ZNF385D: variants seen among roughly 807,000 people sequenced by gnomAD.
ZNF385D encodes the protein zinc finger protein 385D, also known as zinc finger protein 659.
A neutral mutation model predicts 35.8 loss-of-function variants in ZNF385D; 15 were observed. The ratio of observed to expected loss-of-function variants is 0.42; its 90% CI spans 0.28 to 0.64. ZNF385D has a LOEUF of 0.64. Ranked by LOEUF, ZNF385D falls within the 30% of genes least tolerant of loss-of-function variation. ZNF385D has a pLI of 0.23. For synonymous variants in ZNF385D, 212 were observed against 186.8 expected, an observed-to-expected ratio of 1.13 and a Z score of -1.10; for missense variants, 474 against 494.6, an observed-to-expected ratio of 0.96 and a Z score of 0.39.
intron 2 of ZNF385D, among the ~76,000 whole-genome samples, chr3:21,576,311 A>G (rs1324608302): frequency 6.6e-6 from 1 of 152,190 alleles, no homozygotes; most frequent in Non-Finnish European, 1.5e-5. Flanking sequence ...GATGACTTCC[A>G]AGTACTCAGG....
intron 2 of ZNF385D, among the ~76,000 whole-genome samples, chr3:22,361,122 T>G (rs892523325): frequency 2.0e-5 from 3 of 152,064 alleles, no homozygotes; most frequent in African/African-American, 4.8e-5. Context: ...TTGCCAGGTT[T>G]TGAATTATCA....
At chr3:22,324,793 C>T (rs1381443898) in intron 2 of ZNF385D, among the ~76,000 whole-genome samples, 1 of 152,142 alleles carries the variant, frequency 6.6e-6, no homozygotes. Context: ...TCCCCTTTGA[C>T]CCTCTACCAC....
rs369930925 is a variant in ZNF385D, at chr3:21,652,963, G to GT, written c.165+11922dup. 3.5e-3 allele frequency among the ~76,000 whole-genome samples: 534 copies of GT among 151,948 alleles called. 4 individuals carry two copies. Among genetic ancestry groups the GT allele is most frequent in the African/African-American group, 0.012 (500 of 41,450 alleles). ...ATTACAGAAATCTGGAAGTTTCCTTGTTTTTTCCTTACCTCTTCCAGTGTC... is the reference window on the plus strand; with the variant it reads ...ATTACAGAAATCTGGAAGTTTCCTTGTTTTTTTCCTTACCTCTTCCAGTGTC... On this transcript the variant is annotated intron_variant, in intron 2 of 7. Coordinates refer to ENST00000281523, the MANE Select transcript of ZNF385D (RefSeq NM_024697.3).
chr3:21,511,951 A>G (rs1238567383), intron 3 of ZNF385D, among the ~76,000 whole-genome samples: 2 of 151,596 alleles, frequency 1.3e-5, no homozygotes, highest in African/African-American at 4.8e-5. Flanking sequence ...GATCAAGACT[A>G]TCCTGGCCAA....
intron 2 of ZNF385D, among the ~76,000 whole-genome samples, chr3:22,172,403 G>A (rs769476817): frequency 1.6e-4 from 24 of 152,076 alleles, no homozygotes; most frequent in Admixed American, 1.5e-3. Flanking sequence ...AAAAATGTAT[G>A]TGAGTTAATT....
intron 2 of ZNF385D, among the ~76,000 whole-genome samples, chr3:22,345,692 C>T (rs1397207289): frequency 6.6e-6 from 1 of 152,162 alleles, no homozygotes; most frequent in African/African-American, 2.4e-5. Flanking sequence ...CCCAGATGCC[C>T]CCCTTCAGAA....
At chr3:22,027,969 C>G (rs1337553402) in intron 3 of ZNF385D, among the ~76,000 whole-genome samples, 3 of 152,176 alleles carry the variant, frequency 2.0e-5, no homozygotes, top group Non-Finnish European at 2.9e-5. Context: ...TGAAGGATAG[C>G]AGTGAAGTGA....
At chr3:21,941,539 G>A (rs1487266867) in intron 3 of ZNF385D, among the ~76,000 whole-genome samples, 4 of 126,598 alleles carry the variant, frequency 3.2e-5, no homozygotes, top group African/African-American at 1.2e-4. Context: ...ACTCTGTCCC[G>A]CAGGCTGGAA....
chr3:22,262,604 G>A (rs766112692), intron 2 of ZNF385D, among the ~76,000 whole-genome samples: 3 of 151,828 alleles, frequency 2.0e-5, no homozygotes, highest in Non-Finnish European at 4.4e-5. Context: ...TTTGGCAACT[G>A]TAACTAAGAA....
At chr3:21,818,512 A>C (rs528705961) in intron 3 of ZNF385D, among the ~76,000 whole-genome samples, 7 of 152,202 alleles carry the variant, frequency 4.6e-5, no homozygotes, top group Non-Finnish European at 1.0e-4. Flanking sequence ...ATAGTGTGTT[A>C]ATTTTTAAAT....
intron 3 of ZNF385D, among the ~76,000 whole-genome samples, chr3:21,945,530 T>C (rs1701739493): frequency 6.6e-6 from 1 of 152,324 alleles, no homozygotes; most frequent in East Asian, 1.9e-4. Context: ...TAGGGAGCTA[T>C]CAAGATTAAA....
intron 3 of ZNF385D, among the ~76,000 whole-genome samples, chr3:22,142,762 C>T (rs1444040052): frequency 6.6e-6 from 1 of 152,056 alleles, no homozygotes; most frequent in African/African-American, 2.4e-5. Context: ...CAGCTTCCTC[C>T]TTGTAGGTCA....
intron 1 of ZNF385D, among the ~76,000 whole-genome samples, chr3:21,709,874 C>A (rs112122415): frequency 6.6e-6 from 1 of 152,084 alleles, no homozygotes; most frequent in Non-Finnish European, 1.5e-5. Flanking sequence ...TTTATAATCA[C>A]CAAAAACTGG....
intron 2 of ZNF385D, among the ~76,000 whole-genome samples, chr3:22,199,384 T>A (rs542548510): frequency 6.6e-6 from 1 of 152,236 alleles, no homozygotes; most frequent in African/African-American, 2.4e-5. Context: ...ACAACACTGA[T>A]TGACAATATG....
intron 2 of ZNF385D, among the ~76,000 whole-genome samples, chr3:22,230,783 G>A (rs1486049222): frequency 6.6e-6 from 1 of 152,132 alleles, no homozygotes; most frequent in Non-Finnish European, 1.5e-5. Context: ...AGCTGACCAT[G>A]TTCTTTAATT....
intron 2 of ZNF385D, among the ~76,000 whole-genome samples, chr3:22,347,000 C>T (rs149009526): frequency 6.6e-6 from 1 of 152,246 alleles, no homozygotes; most frequent in East Asian, 1.9e-4. Flanking sequence ...TTGGGACTTT[C>T]AATCTCCTAT....
chr3:22,255,271 TC>T (rs11368837), intron 2 of ZNF385D, among the ~76,000 whole-genome samples: 40 of 150,026 alleles, frequency 2.7e-4, no homozygotes, highest in East Asian at 2.4e-3. Flanking sequence ...TATCATGTAT[TC>T]CCCCCCCCAA....
At chr3:21,998,099 C>T (rs1695597960) in intron 3 of ZNF385D, among the ~76,000 whole-genome samples, 1 of 152,090 alleles carries the variant, frequency 6.6e-6, no homozygotes, top group South Asian at 2.1e-4. Flanking sequence ...TGCCAATATA[C>T]AAATGCCATG....
chr3:21,771,114 T>C (rs113503957), intron 3 of ZNF385D, among the ~76,000 whole-genome samples: 41 of 150,224 alleles, frequency 2.7e-4, no homozygotes, highest in African/African-American at 9.5e-4. Context: ...GGGAGAGGGA[T>C]AGCATTAGGA....
Sources: gnomAD v4.1 joint callset for allele counts (sites outside exome capture counted in the v4.1 genomes callset) on GRCh38, gnomAD v4.1.1 for gene constraint, MANE v1.5 for transcripts, NCBI Gene and HGNC (gene_info 2026-07-23, HGNC 2026-07-21) for gene names.